Variants in PPP6C observed in about 807,000 individuals in gnomAD.
PPP6C encodes serine/threonine-protein phosphatase 6 catalytic subunit.
Under a neutral mutation model 39.8 loss-of-function variants are expected in PPP6C, and 11 were observed. The ratio of observed to expected loss-of-function variants is 0.28; its 90% CI spans 0.17 to 0.46. The LOEUF (loss-of-function observed/expected upper bound fraction) is 0.46. Ranked by LOEUF, PPP6C falls within the 20% of genes least tolerant of loss-of-function variation. PPP6C has a pLI of 1.00. For synonymous variants in PPP6C, 129 were observed against 130.3 expected (o/e 0.99, Z 0.07); for missense variants, 211 against 373.9 (o/e 0.56, Z 3.59).
At chr9:125,169,529 G>A (rs1274566495) in intron 2 of PPP6C, among the ~76,000 whole-genome samples, 1 of 152,076 alleles carries the variant, frequency 6.6e-6, no homozygotes, top group African/African-American at 2.4e-5. Context: ...TTTCAGGAAT[G>A]TGTTAAGACA....
In PPP6C at chr9:125,158,292, A is replaced by G. The variant is rs139925715; in HGVS notation, c.328T>C (p.Leu110=). ...KAKWPDRITL[L]RGNHESRQIT... Reference sequence around the variant, plus strand: ...TGTCTACTCTCATGATTTCCTCGCAAAAGTGTAATACGATCAGGCCATTTA... The same window carrying G: ...TGTCTACTCTCATGATTTCCTCGCAGAAGTGTAATACGATCAGGCCATTTA... Residue 110 remains leucine, a synonymous_variant, in exon 4 of 7, where the codon TTG becomes CTG. Transcript: ENST00000373547. The G allele has an allele frequency of 6.8e-5, 109 of 1,611,872 alleles. No homozygotes were observed. The African/African-American group carries it at 9.9e-4, about 15-fold the overall frequency.
At chr9:125,167,735 G>A (rs1829053954) in intron 2 of PPP6C, among the ~76,000 whole-genome samples, 1 of 148,068 alleles carries the variant, frequency 6.8e-6, no homozygotes, top group Non-Finnish European at 1.5e-5. Flanking sequence ...TTTAGAGATG[G>A]GGAGTCTCAG....
At chr9:125,172,720 AACACACACACACACACACACACAC>A (rs72238242) in intron 1 of PPP6C, among the ~76,000 whole-genome samples, 1 of 144,702 alleles carries the variant, frequency 6.9e-6, no homozygotes, top group Non-Finnish European at 1.5e-5. Context: ...AATACACACA[AACACACACACACACACACACACAC>A]ACACACAAAC....
Position 125,160,707 on chromosome 9 carries a change from C to T in PPP6C, c.237+134G>A, listed in dbSNP as rs534202805. ...TATGTCTTTATCAGCGGCGTGAAAA[C>T]GGACTAATACACATCTTTTAATATA... is the stretch of plus-strand genomic sequence containing the variant. On this transcript the variant is annotated intron_variant, in intron 3 of 6. Transcript: ENST00000373547. 25 of 555,926 alleles carry T rather than the reference C, an allele frequency of 4.5e-5. 1 individual carries two copies. In the South Asian group the frequency reaches 5.5e-4, roughly 12 times the overall value. The allele number at this position is 555,926 out of a possible 1,614,324, so 34.4% of individuals were successfully genotyped here.
chr9:125,167,111 C>T (rs72767010), intron 2 of PPP6C, among the ~76,000 whole-genome samples: 21,515 of 151,648 alleles, frequency 0.14, 1,639 homozygotes, highest in East Asian at 0.23. Flanking sequence ...CCAGGTGCAG[C>T]GGCTCACACC....
intron 1 of PPP6C, among the ~76,000 whole-genome samples, chr9:125,172,525 A>C (rs1829193793): frequency 6.6e-6 from 1 of 152,166 alleles, no homozygotes; most frequent in Non-Finnish European, 1.5e-5. Flanking sequence ...CACATTCTTG[A>C]AATGACAAAA....
intron 1 of PPP6C, among the ~76,000 whole-genome samples, chr9:125,180,902 T>C (rs921504082): frequency 6.6e-5 from 10 of 152,094 alleles, no homozygotes; most frequent in East Asian, 1.9e-4. Context: ...ATCTGAAAGA[T>C]TGAGTGTCTG....
chr9:125,171,476 CACATAT>C (rs1210272801), intron 1 of PPP6C, among the ~76,000 whole-genome samples: 3,017 of 56,664 alleles, frequency 0.053, 35 homozygotes, highest in Middle Eastern at 0.077. Flanking sequence ...CACACACACA[CACATAT>C]ATATATATAT....
At chr9:125,165,929 C>T (rs1321893146) in intron 2 of PPP6C, among the ~76,000 whole-genome samples, 2 of 150,152 alleles carry the variant, frequency 1.3e-5, no homozygotes. Context: ...CCTAAGTAGC[C>T]GAGATTACAG....
intron 1 of PPP6C, among the ~76,000 whole-genome samples, chr9:125,173,531 T>C (rs537808394): frequency 6.7e-6 from 1 of 149,626 alleles, no homozygotes; most frequent in South Asian, 2.2e-4. Context: ...AAAACCGAGG[T>C]CGCGCCACTG....
intron 1 of PPP6C, among the ~76,000 whole-genome samples, chr9:125,172,693 A>G (rs1004395804): frequency 2.0e-5 from 3 of 151,190 alleles, no homozygotes; most frequent in Non-Finnish European, 4.4e-5. Context: ...CTTACCCAAT[A>G]AAACTGCAAA....
At chr9:125,180,927 A>C (rs562394868) in intron 1 of PPP6C, among the ~76,000 whole-genome samples, 1 of 152,226 alleles carries the variant, frequency 6.6e-6, no homozygotes, top group South Asian at 2.1e-4. Flanking sequence ...ACACGTGTAA[A>C]CTACCTAGCA....
In PPP6C at chr9:125,148,704, T is replaced by C. The variant is rs531474056; in HGVS notation, c.*969A>G. On this transcript the variant is annotated 3_prime_UTR_variant, in exon 7 of 7. Transcript: ENST00000373547. ...TTAGTTAATAATACTCATGATAGAT[T>C]GTAAACTGGATTGATCACATTCTAC... The C allele has an allele frequency of 6.6e-6, 1 of 152,326 alleles. No individual in the cohort carries two copies. The highest frequency in any genetic ancestry group is 2.4e-5 in the African/African-American group (1 of 41,586). The allele number at this position is 152,326 out of a possible 1,614,324, so 9.4% of individuals were successfully genotyped here.
In PPP6C at chr9:125,153,574, G is replaced by A; in HGVS notation, c.628C>T (p.Arg210Ter). 1 of 1,614,000 alleles carries A rather than the reference G, an allele frequency of 6.2e-7. No individual in the cohort carries two copies. The highest frequency in any genetic ancestry group is 8.5e-7 in the Non-Finnish European group (1 of 1,180,002). The change falls in exon 6 of 7, where the codon CGA becomes TGA. Residue 210 changes from arginine to a stop codon, truncating the protein, a stop_gained. Coordinates refer to ENST00000373547, the MANE Select transcript of PPP6C (RefSeq NM_002721.5). LOFTEE classifies it high-confidence loss of function. Reference protein sequence around the residue: ...EDVDTWAISPRGAGWLFGAKV... With the variant: ...EDVDTWAISP ...GCTCCAAAAAGCCAACCTGCTCCTC[G>A]GGGACTGATAGCCCAGGTATCCACA...
intron 1 of PPP6C, among the ~76,000 whole-genome samples, chr9:125,173,211 G>C (rs1829213580): frequency 6.6e-6 from 1 of 151,970 alleles, no homozygotes; most frequent in South Asian, 2.1e-4. Context: ...AGGAGTTCAG[G>C]ACCAGCCTGG....
chr9:125,184,034 G>A (rs763677877), intron 1 of PPP6C, among the ~76,000 whole-genome samples: 54 of 152,182 alleles, frequency 3.5e-4, no homozygotes, highest in Non-Finnish European at 7.3e-4. Flanking sequence ...CAAGGCAGGA[G>A]AATCACCTGA....
At chr9:125,151,928 G>A (rs949010890) in intron 6 of PPP6C, among the ~76,000 whole-genome samples, 14 of 152,314 alleles carry the variant, frequency 9.2e-5, no homozygotes, top group African/African-American at 3.1e-4. Context: ...CTCTGCATGT[G>A]AATGCTTCAG....
At chr9:125,164,727 T>G (rs1211223970) in intron 2 of PPP6C, among the ~76,000 whole-genome samples, 1 of 152,082 alleles carries the variant, frequency 6.6e-6, no homozygotes, top group Non-Finnish European at 1.5e-5. Flanking sequence ...ATGTACCACT[T>G]TACCCAGCCT....
At chr9:125,172,332 A>G (rs1156942462) in intron 1 of PPP6C, among the ~76,000 whole-genome samples, 1 of 151,966 alleles carries the variant, frequency 6.6e-6, no homozygotes, top group Non-Finnish European at 1.5e-5. Context: ...CCCTTGCCTC[A>G]GTCTCACAAG....
Sources: gnomAD v4.1 joint callset for allele counts (sites outside exome capture counted in the v4.1 genomes callset) on GRCh38, gnomAD v4.1.1 for gene constraint, MANE v1.5 for transcripts, NCBI Gene and HGNC (gene_info 2026-07-23, HGNC 2026-07-21) for gene names.